SAMMSON: variants seen among roughly 807,000 people sequenced by gnomAD.
The protein encoded by SAMMSON is survival associated mitochondrial melanoma specific oncogenic non-coding RNA, also known as long intergenic non-protein coding RNA 1212.
At chr3:70,370,666 T>G (rs570887417) in intron 9 of SAMMSON, among the ~76,000 whole-genome samples, 1 of 152,054 alleles carries the variant, frequency 6.6e-6, no homozygotes, top group Non-Finnish European at 1.5e-5. Flanking sequence ...TTTGTTTTGT[T>G]TTGCTTTTTC....
intron 6 of SAMMSON, among the ~76,000 whole-genome samples, chr3:70,253,657 A>G (rs1701789575): frequency 6.6e-6 from 1 of 152,196 alleles, no homozygotes; most frequent in African/African-American, 2.4e-5. Context: ...CAGGAGTTCA[A>G]TGCTGCAGTG....
At chr3:70,226,618 A>T (rs1268060922) in intron 4 of SAMMSON, among the ~76,000 whole-genome samples, 1 of 151,642 alleles carries the variant, frequency 6.6e-6, no homozygotes, top group Non-Finnish European at 1.5e-5. Flanking sequence ...GGTGCCTGTA[A>T]TCCCAGCTTC....
At chr3:70,245,611 C>G (rs1000252893) in intron 4 of SAMMSON, among the ~76,000 whole-genome samples, 5 of 142,396 alleles carry the variant, frequency 3.5e-5, no homozygotes, top group Non-Finnish European at 7.6e-5. Flanking sequence ...AAATAAGTAA[C>G]TTTAATTTCT....
intron 1 of SAMMSON, among the ~76,000 whole-genome samples, chr3:70,000,986 G>A (rs2066903361): frequency 6.6e-6 from 1 of 152,110 alleles, no homozygotes; most frequent in Non-Finnish European, 1.5e-5. Context: ...TGCCATGTGT[G>A]CACTGCAGGG....
At chr3:70,254,025 A>T (rs1366372363) in intron 6 of SAMMSON, among the ~76,000 whole-genome samples, 1 of 152,226 alleles carries the variant, frequency 6.6e-6, no homozygotes, top group African/African-American at 2.4e-5. Context: ...GATAAGACTA[A>T]TTATGAATCT....
intron 9 of SAMMSON, among the ~76,000 whole-genome samples, chr3:70,378,178 T>C (rs1443498470): frequency 1.3e-5 from 2 of 151,476 alleles, no homozygotes; most frequent in Non-Finnish European, 2.9e-5. Flanking sequence ...TATTTTAACA[T>C]AGAATAGCAC....
intron 6 of SAMMSON, among the ~76,000 whole-genome samples, chr3:70,258,095 G>T (rs940645740): frequency 6.6e-6 from 1 of 152,108 alleles, no homozygotes; most frequent in African/African-American, 2.4e-5. Flanking sequence ...AAAGTTAAAT[G>T]AATCCCAACT....
chr3:70,024,570 A>T (rs187595483), intron 3 of SAMMSON, among the ~76,000 whole-genome samples: 1 of 152,248 alleles, frequency 6.6e-6, no homozygotes, highest in East Asian at 1.9e-4. Context: ...CCCAGCCACC[A>T]TGCTCTGCTG....
chr3:70,313,326 A>T lies in SAMMSON; in HGVS notation n.739+22083A>T, dbSNP rs537381333. Among the ~76,000 whole-genome samples the T allele has an allele frequency of 4.6e-5, 7 of 151,784 alleles. No individual in the cohort carries two copies. In the East Asian group the frequency reaches 5.8e-4, roughly 13 times the overall value. On this transcript the variant is annotated intron_variant and non_coding_transcript_variant, in intron 7 of 9. Coordinates refer to ENST00000642114, the Ensembl canonical transcript of SAMMSON. The stretch of plus-strand genomic sequence containing the variant: ...CTACAAAAATTTAAATTTTTTTTTT[A>T]AAAGTTAGCTGGGTGTGGATATATG...
intron 2 of SAMMSON, among the ~76,000 whole-genome samples, chr3:70,416,928 A>G (rs1348701783): frequency 6.6e-6 from 1 of 152,170 alleles, no homozygotes; most frequent in Non-Finnish European, 1.5e-5. Context: ...GCATTTGAGA[A>G]TGATACTCTA....
intron 6 of SAMMSON, among the ~76,000 whole-genome samples, chr3:70,273,652 A>G (rs1412795713): frequency 6.6e-6 from 1 of 152,260 alleles, no homozygotes; most frequent in Admixed American, 6.5e-5. Flanking sequence ...AAGGCAAGGT[A>G]CAGATGGACT....
At chr3:70,269,585 T>C (rs1701955581) in intron 6 of SAMMSON, among the ~76,000 whole-genome samples, 1 of 152,218 alleles carries the variant, frequency 6.6e-6, no homozygotes, top group Non-Finnish European at 1.5e-5. Context: ...CAATTTTGGT[T>C]CAGGGGCTGC....
intron 4 of SAMMSON, among the ~76,000 whole-genome samples, chr3:70,189,002 G>A (rs762773203): frequency 6.6e-5 from 10 of 152,162 alleles, no homozygotes; most frequent in African/African-American, 2.4e-4. Context: ...AATCAGAAGA[G>A]AGGGTGCTTG....
At chr3:70,269,524 C>A (rs142893317) in intron 6 of SAMMSON, among the ~76,000 whole-genome samples, 2 of 150,706 alleles carry the variant, frequency 1.3e-5, no homozygotes, top group African/African-American at 2.5e-5. Flanking sequence ...TTTCTTTTTT[C>A]TGTCCATAAA....
chr3:70,193,103 A>G (rs1369972942), intron 4 of SAMMSON, among the ~76,000 whole-genome samples: 2 of 152,142 alleles, frequency 1.3e-5, no homozygotes, highest in Non-Finnish European at 2.9e-5. Flanking sequence ...AGGCAGTGGC[A>G]AAAGCAGAGC....
chr3:70,228,790 T>G (rs1701532317), intron 4 of SAMMSON, among the ~76,000 whole-genome samples: 1 of 152,116 alleles, frequency 6.6e-6, no homozygotes, highest in African/African-American at 2.4e-5. Context: ...CATTCTCCTT[T>G]TCTCTACCTA....
intron 3 of SAMMSON, among the ~76,000 whole-genome samples, chr3:70,023,959 C>G (rs1319830181): frequency 1.3e-5 from 2 of 152,112 alleles, no homozygotes; most frequent in African/African-American, 4.8e-5. Flanking sequence ...TTTCCTTCTG[C>G]CTGTCTCCAG....
chr3:70,293,095 A>T (rs2106694966), intron 7 of SAMMSON, among the ~76,000 whole-genome samples: 1 of 151,094 alleles, frequency 6.6e-6, no homozygotes, highest in East Asian at 2.0e-4. Context: ...TGACGAGAAG[A>T]AAGAAAATTC....
intron 4 of SAMMSON, among the ~76,000 whole-genome samples, chr3:70,174,137 TG>T (rs1397647931): frequency 6.6e-6 from 1 of 152,018 alleles, no homozygotes; most frequent in Admixed American, 6.6e-5. Flanking sequence ...TTTTGTTTTT[TG>T]ACTAGAATTT....
Sources: gnomAD v4.1 joint callset for allele counts (sites outside exome capture counted in the v4.1 genomes callset) on GRCh38, gnomAD v4.1.1 for gene constraint, MANE v1.5 for transcripts, NCBI Gene and HGNC (gene_info 2026-07-23, HGNC 2026-07-21) for gene names.